The following ST6GAL1 variants were observed in gnomAD, a reference collection of about 807,000 sequenced individuals.
The protein encoded by ST6GAL1 is beta-galactoside alpha-2,6-sialyltransferase 1.
In ST6GAL1, 20 loss-of-function variants were observed where a neutral mutation model predicts 38.0. The observed-to-expected ratio is 0.53, with a 90% CI of 0.37 to 0.77. The LOEUF is 0.77. ST6GAL1 is among the 30% of genes least tolerant of loss of function. The pLI, the probability that ST6GAL1 is intolerant of heterozygous loss-of-function variation, is 0.00. For missense variants in ST6GAL1, 432 were observed against 496.4 expected, an observed-to-expected ratio of 0.87 and a Z score of 1.23; for synonymous variants, 196 against 188.2, an observed-to-expected ratio of 1.04 and a Z score of -0.34.
chr3:187,060,792 T>C (rs1055852868), intron 5 of ST6GAL1, among the ~76,000 whole-genome samples: 15 of 152,206 alleles, frequency 9.9e-5, no homozygotes, highest in African/African-American at 3.1e-4. Context: ...GTCAGCCCCT[T>C]ATCCATGGTT....
At chr3:186,933,146 T>C (rs1006154097) in intron 1 of ST6GAL1, among the ~76,000 whole-genome samples, 2 of 152,232 alleles carry the variant, frequency 1.3e-5, no homozygotes, top group African/African-American at 4.8e-5. Flanking sequence ...GTTTTACATA[T>C]ACCCACTTTT....
intron 2 of ST6GAL1, chr3:187,022,015 T>G (rs1028684850): frequency 6.6e-6 from 1 of 152,170 alleles, no homozygotes; most frequent in African/African-American, 2.4e-5. Context: ...GTAAGTAGGG[T>G]GTTTCCCTGA....
chr3:186,985,774 CA>C (rs5855120), intron 2 of ST6GAL1, among the ~76,000 whole-genome samples: 41 of 131,638 alleles, frequency 3.1e-4, no homozygotes, highest in Non-Finnish European at 3.2e-4. Flanking sequence ...GACCCTGTCT[CA>C]AAAAAAAAAA....
chr3:186,971,537 A>G (rs1456798760), intron 2 of ST6GAL1, among the ~76,000 whole-genome samples: 2 of 152,120 alleles, frequency 1.3e-5, no homozygotes, highest in East Asian at 3.9e-4. Flanking sequence ...GTACTCCTTA[A>G]GTGTTGGAAG....
chr3:187,067,289 G>A (rs1719197266), intron 5 of ST6GAL1, among the ~76,000 whole-genome samples: 1 of 147,976 alleles, frequency 6.8e-6, no homozygotes, highest in South Asian at 2.1e-4. Context: ...GTTTTACTAT[G>A]TTGGCCAGGG....
intron 3 of ST6GAL1, among the ~76,000 whole-genome samples, chr3:187,039,644 A>C (rs1291594781): frequency 1.3e-5 from 2 of 152,210 alleles, no homozygotes; most frequent in Non-Finnish European, 2.9e-5. Flanking sequence ...TTCAAAGCTT[A>C]GTGTGTTTTT....
intron 2 of ST6GAL1, among the ~76,000 whole-genome samples, chr3:187,025,307 G>T (rs896537887): frequency 4.6e-5 from 7 of 152,086 alleles, no homozygotes; most frequent in Non-Finnish European, 7.4e-5. Flanking sequence ...AGGTGAGACA[G>T]TTCCTCTTTC....
intron 2 of ST6GAL1, among the ~76,000 whole-genome samples, chr3:186,966,722 C>T (rs981173715): frequency 6.6e-5 from 10 of 152,094 alleles, no homozygotes; most frequent in African/African-American, 2.2e-4. Context: ...ATAGTGTAGT[C>T]CTCTCATTCA....
Position 187,076,877 on chromosome 3 carries a change from C to G in ST6GAL1, c.*1074C>G. The G allele has an allele frequency of 2.5e-6, 1 of 399,060 alleles. No homozygotes were observed. The highest frequency in any genetic ancestry group is 4.4e-6 in the Non-Finnish European group (1 of 226,072). 24.7% of individuals were successfully genotyped at this position (399,060 alleles called of 1,614,324 possible). A position where few individuals can be genotyped will look rare whatever the true frequency, so the allele number is the denominator to read the frequency against. On this transcript the variant is annotated 3_prime_UTR_variant, in exon 8 of 8. Transcript: ENST00000169298. ...AGCCACAAAACGTGATTCCTCCAGGCTCTGCCTGGCCTGACCCTGTCCTGT... is the reference window on the plus strand; with the variant it reads ...AGCCACAAAACGTGATTCCTCCAGGGTCTGCCTGGCCTGACCCTGTCCTGT...
At position 187,076,580 on chromosome 3, in the gene ST6GAL1, C is replaced by G. The variant is rs1254699438; in HGVS notation, c.*777C>G. ...TTGGAGAGAGATGGGCTTGCTCTCT[C>G]TGTGCACCCAGGAGGGCCACGCACT... On this transcript the variant is annotated 3_prime_UTR_variant, in exon 8 of 8. Coordinates refer to ENST00000169298, the MANE Select transcript of ST6GAL1 (RefSeq NM_173216.2). 5.6e-6 allele frequency: 2 copies of G among 359,878 alleles called. No homozygotes were observed. Among genetic ancestry groups the G allele is most frequent in the African/African-American group, 2.1e-5 (1 of 47,702 alleles). 22.3% of individuals were successfully genotyped at this position (359,878 alleles called of 1,614,324 possible).
At chr3:186,973,376 T>G (rs1211858005) in intron 2 of ST6GAL1, among the ~76,000 whole-genome samples, 1 of 152,082 alleles carries the variant, frequency 6.6e-6, no homozygotes, top group Non-Finnish European at 1.5e-5. Context: ...CAGGGCTGGC[T>G]CACATATACT....
intron 2 of ST6GAL1, among the ~76,000 whole-genome samples, chr3:187,016,271 G>A (rs1000909387): frequency 3.3e-5 from 5 of 152,162 alleles, no homozygotes; most frequent in Admixed American, 2.6e-4. Flanking sequence ...TTCATCAAGC[G>A]CCACTTGCCT....
At chr3:186,933,499 G>T (rs938292403) in intron 1 of ST6GAL1, among the ~76,000 whole-genome samples, 1 of 152,192 alleles carries the variant, frequency 6.6e-6, no homozygotes, top group African/African-American at 2.4e-5. Flanking sequence ...ACACCTGCAT[G>T]GCCGAGCGAG....
intron 2 of ST6GAL1, among the ~76,000 whole-genome samples, chr3:187,029,067 G>A (rs1717645583): frequency 1.0e-5 from 1 of 99,708 alleles, no homozygotes; most frequent in African/African-American, 3.6e-5. Flanking sequence ...CAGCCTGGGT[G>A]ACAAAGCAAG....
chr3:186,978,378 T>A (rs1043297850), intron 2 of ST6GAL1, among the ~76,000 whole-genome samples: 1 of 152,216 alleles, frequency 6.6e-6, no homozygotes, highest in African/African-American at 2.4e-5. Flanking sequence ...ATCATATTTC[T>A]CTGACTCCTC....
Position 186,975,518 on chromosome 3 carries a change from G to A in ST6GAL1, c.-183+11592G>A, listed in dbSNP as rs75262495. On this transcript the variant is annotated intron_variant, in intron 2 of 7. Coordinates refer to ENST00000169298, the MANE Select transcript of ST6GAL1 (RefSeq NM_173216.2). ...TGATTCTTCTCTGTCCCTGAGGTTC[G>A]TACCTGCCTGGCCATCTGCCTTTTG... 1.5e-3 allele frequency among the ~76,000 whole-genome samples: 224 copies of A among 152,250 alleles called. 1 individual carries two copies. The highest frequency in any genetic ancestry group is 4.7e-3 in the African/African-American group (196 of 41,522).
rs371256546 is a variant in ST6GAL1, at chr3:187,007,221, G to C, written c.-182-31521G>C. 1.2e-4 allele frequency among the ~76,000 whole-genome samples: 18 copies of C among 152,328 alleles called. No individual in the cohort carries two copies. The East Asian group carries it at 2.1e-3, about 18-fold the overall frequency. On this transcript the variant is annotated intron_variant, in intron 2 of 7. Coordinates refer to ENST00000169298, the MANE Select transcript of ST6GAL1 (RefSeq NM_173216.2). ...CCATCTTTCTAACTAGAGGAAGCAG[G>C]GGGGAAAAGCCACTGGAAGCCAGAG...
intron 3 of ST6GAL1, 150 bp from the exon 4 acceptor site, chr3:187,042,504 T>C: frequency 1.4e-6 from 1 of 716,010 alleles, no homozygotes; most frequent in Non-Finnish European, 2.2e-6. Flanking sequence ...CGAGAATTGC[T>C]TAACAGGCTG....
At chr3:187,047,286 G>A (rs1290135972) in intron 4 of ST6GAL1, among the ~76,000 whole-genome samples, 1 of 151,288 alleles carries the variant, frequency 6.6e-6, no homozygotes, top group Non-Finnish European at 1.5e-5. Context: ...TCTATAGTAT[G>A]TCTGTTTTCT....
Sources: allele counts gnomAD v4.1 joint callset (sites outside exome capture counted in the v4.1 genomes callset), GRCh38; gene constraint gnomAD v4.1.1; transcripts MANE v1.5; gene names NCBI Gene and HGNC (gene_info 2026-07-23, HGNC 2026-07-21).